ANKRD30A: variants seen among roughly 807,000 people sequenced by gnomAD.
The protein encoded by ANKRD30A is ankyrin repeat domain-containing protein 30A.
A neutral mutation model predicts 166.3 loss-of-function variants in ANKRD30A; 170 were observed. The ratio of observed to expected loss-of-function variants is 1.02; its 90% confidence interval spans 0.90 to 1.16. ANKRD30A has a LOEUF of 1.16. Among genes scored for constraint, ANKRD30A ranks in the 50% most tolerant of loss-of-function variants. The pLI is 0.00. For missense variants in ANKRD30A, 1,630 were observed against 1,518.0 expected, an observed-to-expected ratio of 1.07 and a Z score of -1.23; for synonymous variants, 564 against 508.9, an observed-to-expected ratio of 1.11 and a Z score of -1.46.
intron 13 of ANKRD30A, 68 bp downstream of exon 13, chr10:37,153,730 C>T: frequency 1.9e-6 from 3 of 1,578,236 alleles, no homozygotes; most frequent in Non-Finnish European, 2.6e-6. Flanking sequence ...GGAGGGATAT[C>T]CTCTAGTAGC....
rs754180463 is a variant in ANKRD30A at position 37,201,241 on chromosome 10, C to T, written c.2785C>T (p.Arg929Cys). 5.0e-5 allele frequency: 79 copies of T among 1,572,726 alleles called. No individual in the cohort carries two copies. Among genetic ancestry groups the T allele is most frequent in the Middle Eastern group, 1.7e-4 (1 of 5,932 alleles). ...EENSWDSESLRETVSQKDVCV... is the reference protein window; with the variant it reads ...EENSWDSESLCETVSQKDVCV... ...TTGATATTACTTTTAACAGAGTCTC[C>T]GTGAGACTGTTTCACAGAAGGATGT... The change falls in exon 31 of 36, where the codon CGT becomes TGT. Residue 929 changes from arginine to cysteine, a missense_variant. By Grantham distance (180) the Arg-to-Cys change is radical. Transcript: ENST00000361713.
intron 25 of ANKRD30A, among the ~76,000 whole-genome samples, chr10:37,191,983 G>A (rs1329340522): frequency 2.0e-5 from 3 of 151,988 alleles, no homozygotes; most frequent in Non-Finnish European, 4.4e-5. Flanking sequence ...GCAGGTGAAT[G>A]ATATATAAAA....
chr10:37,126,046 G>A, intron 1 of ANKRD30A, 38 bp downstream of exon 1: 1 of 1,601,950 alleles, frequency 6.2e-7, no homozygotes, highest in Non-Finnish European at 8.5e-7. Flanking sequence ...GCAGGAGGAG[G>A]TGGGGGCGGT....
At position 37,190,165 on chromosome 10, in the gene ANKRD30A, A is replaced by G. The variant is rs189903798; in HGVS notation, c.2512+608A>G. Among the ~76,000 whole-genome samples the G allele has an allele frequency of 1.3e-3, 195 of 152,002 alleles. 2 individuals carry two copies. Among genetic ancestry groups the G allele is most frequent in the Non-Finnish European group, 2.3e-3 (154 of 67,998 alleles). On this transcript the variant is annotated intron_variant, in intron 25 of 35. Transcript: ENST00000361713. ...ATATAAATTGTCATATACACTCTGT[A>G]TAGACCAGAGGTTTTCAAACTTTAG...
At chr10:37,139,434 C>T (rs935743119) in intron 6 of ANKRD30A, among the ~76,000 whole-genome samples, 1 of 152,162 alleles carries the variant, frequency 6.6e-6, no homozygotes, top group African/African-American at 2.4e-5. Flanking sequence ...CTGGTCATCC[C>T]CACCCTGGAG....
chr10:37,125,652 G>C lies in ANKRD30A; in HGVS notation c.-136G>C, dbSNP rs1588728638. 1 of 386,386 alleles carries C rather than the reference G, an allele frequency of 2.6e-6. No individual in the cohort carries two copies. Among genetic ancestry groups the C allele is most frequent in the East Asian group, 4.9e-5 (1 of 20,240 alleles). 23.9% of individuals were successfully genotyped at this position (386,386 alleles called of 1,614,324 possible). On this transcript the variant is annotated 5_prime_UTR_variant, in exon 1 of 36. Coordinates refer to ENST00000361713, the MANE Select transcript of ANKRD30A (RefSeq NM_052997.3). ...AGGCCTGAGTGTGCAAGAGCTTGGC[G>C]AACACAGAACTTTTTACGGGTATCG...
At chr10:37,260,646 A>T in the ANKRD30A span, among the ~76,000 whole-genome samples, 1 of 152,184 alleles carries the variant, frequency 6.6e-6, no homozygotes, top group Admixed American at 6.5e-5. Context: ...ACAGATCTTG[A>T]TTCTTTCATA....
intron 9 of ANKRD30A, among the ~76,000 whole-genome samples, 182 bp downstream of exon 9, chr10:37,147,639 C>CA (rs947244656): frequency 6.8e-5 from 8 of 117,780 alleles, no homozygotes; most frequent in South Asian, 3.0e-4. Flanking sequence ...GTAGAGAGTG[C>CA]AAAAAAAACA....
At chr10:37,130,158 A>G in intron 2 of ANKRD30A, 47 bp from the exon 3 acceptor site, 1 of 1,225,004 alleles carries the variant, frequency 8.2e-7, no homozygotes, top group Non-Finnish European at 1.1e-6. Context: ...AATAATTTAT[A>G]TTATAAATTA....
At chr10:37,167,573 T>G (rs954481405) in intron 19 of ANKRD30A, among the ~76,000 whole-genome samples, 17 of 151,848 alleles carry the variant, frequency 1.1e-4, no homozygotes, top group Non-Finnish European at 2.1e-4. Flanking sequence ...TTTAAAAATC[T>G]GATGCAACTA....
the ANKRD30A span, among the ~76,000 whole-genome samples, chr10:37,260,934 A>G: frequency 6.6e-6 from 1 of 152,180 alleles, no homozygotes; most frequent in East Asian, 1.9e-4. Flanking sequence ...AAAACTACCA[A>G]TTGTGTGCTA....
rs200371223 is a variant in ANKRD30A, at chr10:37,223,323, G to GA, written c.4185+3435dup. 2.3e-4 allele frequency among the ~76,000 whole-genome samples: 35 copies of GA among 149,918 alleles called. No homozygotes were observed. The East Asian group carries it at 4.3e-3, about 18-fold the overall frequency. Reference sequence around the variant, plus strand: ...AAAATGGTTAATAGAAAAAGAAAAAGAAAAAAAAACTATAAAAGAATGCTT... The same window carrying GA: ...AAAATGGTTAATAGAAAAAGAAAAAGAAAAAAAAAACTATAAAAGAATGCTT... On this transcript the variant is annotated intron_variant, in intron 34 of 35. Transcript: ENST00000361713.
At chr10:37,240,393 A>G in the ANKRD30A span, among the ~76,000 whole-genome samples, 1 of 152,162 alleles carries the variant, frequency 6.6e-6, no homozygotes, top group African/African-American at 2.4e-5. Context: ...CTTGTAATGC[A>G]TAGCCAAACA....
At chr10:37,190,226 G>C (rs764350879) in intron 25 of ANKRD30A, among the ~76,000 whole-genome samples, 4 of 151,852 alleles carry the variant, frequency 2.6e-5, no homozygotes, top group Non-Finnish European at 4.4e-5. Flanking sequence ...AATTCACACT[G>C]AGATTCAGCC....
intron 1 of ANKRD30A, among the ~76,000 whole-genome samples, chr10:37,126,217 A>C (rs1431045454): frequency 6.6e-6 from 1 of 152,164 alleles, no homozygotes; most frequent in African/African-American, 2.4e-5. Context: ...TGCAGGGCGG[A>C]GGGCCCATGC....
In ANKRD30A at chr10:37,231,496, G is replaced by A. The variant is rs1166236208; in HGVS notation, c.*27G>A. ...AGACAAGCAGTAAGAAACTTCTTTT[G>A]GAGAAACAACAGACCAGATCTTTAC... is the stretch of plus-strand genomic sequence containing the variant. On this transcript the variant is annotated 3_prime_UTR_variant, in exon 35 of 36. Coordinates refer to ENST00000361713, the MANE Select transcript of ANKRD30A (RefSeq NM_052997.3). The A allele has an allele frequency of 3.8e-6, 6 of 1,580,504 alleles. No individual in the cohort carries two copies. The African/African-American group carries it at 6.8e-5, about 18-fold the overall frequency.
intron 31 of ANKRD30A, among the ~76,000 whole-genome samples, chr10:37,209,864 T>G (rs1028299729): frequency 6.6e-6 from 1 of 152,144 alleles, no homozygotes; most frequent in Admixed American, 6.6e-5. Flanking sequence ...TTTCCTATTG[T>G]TGACATCATT....
intron 7 of ANKRD30A, 88 bp downstream of exon 7, chr10:37,142,378 A>G (rs1837204718): frequency 1.6e-6 from 2 of 1,247,420 alleles, no homozygotes; most frequent in African/African-American, 3.1e-5. Context: ...GTTGGGAATG[A>G]CTTGAATATC....
chr10:37,236,062 C>T (rs973122263), downstream of ANKRD30A, among the ~76,000 whole-genome samples: 13 of 152,098 alleles, frequency 8.5e-5, no homozygotes, highest in Middle Eastern at 3.2e-3. Context: ...GCCACCGCGC[C>T]GGGCCTGATT....
Sources: allele counts gnomAD v4.1 joint callset (sites outside exome capture counted in the v4.1 genomes callset), GRCh38; gene constraint gnomAD v4.1.1; transcripts MANE v1.5; gene names NCBI Gene and HGNC (gene_info 2026-07-23, HGNC 2026-07-21).